Variants in GALNT13 observed in about 807,000 individuals in gnomAD.
GALNT13 encodes the protein polypeptide N-acetylgalactosaminyltransferase 13.
GALNT13 carries 28 observed loss-of-function variants against 64.2 expected under a neutral mutation model. That is an observed-to-expected ratio of 0.44 (90% CI 0.32 to 0.60). The LOEUF (loss-of-function observed/expected upper bound fraction) is 0.60. Ranked by LOEUF, GALNT13 falls within the 20% of genes least tolerant of loss-of-function variation. The probability of loss-of-function intolerance (pLI) is 0.05; values close to 1 mark genes in which losing one functional copy is unlikely to be tolerated. For missense variants in GALNT13, 577 were observed against 669.8 expected, an observed-to-expected ratio of 0.86 and a Z score of 1.53; for synonymous variants, 214 against 224.6, an observed-to-expected ratio of 0.95 and a Z score of 0.42.
At chr2:153,376,612 C>T in the GALNT13 span, among the ~76,000 whole-genome samples, 2 of 151,708 alleles carry the variant, frequency 1.3e-5, no homozygotes, top group African/African-American at 4.8e-5. Flanking sequence ...GACTGACTGC[C>T]AGAAAAAAGA....
At chr2:153,932,003 T>G (rs1017739976) in intron 2 of GALNT13, among the ~76,000 whole-genome samples, 1 of 152,120 alleles carries the variant, frequency 6.6e-6, no homozygotes, top group African/African-American at 2.4e-5. Context: ...TTTATTTGGT[T>G]GGTGGGTTTT....
the GALNT13 span, among the ~76,000 whole-genome samples, chr2:153,241,466 T>C: frequency 6.6e-6 from 1 of 152,192 alleles, no homozygotes; most frequent in Non-Finnish European, 1.5e-5. Context: ...ACCTTTTGCC[T>C]ATGTTTCCAT....
chr2:153,700,575 T>G, the GALNT13 span, among the ~76,000 whole-genome samples: 1 of 152,240 alleles, frequency 6.6e-6, no homozygotes, highest in East Asian at 1.9e-4. Flanking sequence ...GATGACATGA[T>G]TCTATGTTTA....
At chr2:153,806,404 A>G in the GALNT13 span, among the ~76,000 whole-genome samples, 11 of 152,234 alleles carry the variant, frequency 7.2e-5, no homozygotes, top group African/African-American at 2.4e-4. Context: ...ATCTTATACT[A>G]CTGGGTGAAT....
chr2:153,252,871 A>G, the GALNT13 span, among the ~76,000 whole-genome samples: 1 of 152,184 alleles, frequency 6.6e-6, no homozygotes, highest in Non-Finnish European at 1.5e-5. Flanking sequence ...TGGTTACTGT[A>G]GCCTTGTAGT....
At position 154,236,266 on chromosome 2, in the gene GALNT13, A is replaced by G; in HGVS notation, c.312-5764A>G. ...ATTTTAAAATGTTGGCATAAGCCTAAAGGTTTTACATGTTTCAAAGAGTCT... is the reference window on the plus strand; with the variant it reads ...ATTTTAAAATGTTGGCATAAGCCTAGAGGTTTTACATGTTTCAAAGAGTCT... On this transcript the variant is annotated intron_variant, in intron 4 of 12. Transcript: ENST00000392825. 4 of 614,766 alleles carry G rather than the reference A, an allele frequency of 6.5e-6. No homozygotes were observed. The South Asian group carries it at 2.3e-4, about 36-fold the overall frequency. 38.1% of individuals were successfully genotyped at this position (614,766 alleles called of 1,614,324 possible).
chr2:154,076,830 CT>C (rs1471633998), intron 3 of GALNT13, among the ~76,000 whole-genome samples: 2 of 151,568 alleles, frequency 1.3e-5, no homozygotes, highest in African/African-American at 4.8e-5. Flanking sequence ...CAAGGAAACA[CT>C]TATTATAGAG....
At chr2:153,517,747 C>T in the GALNT13 span, among the ~76,000 whole-genome samples, 3 of 152,132 alleles carry the variant, frequency 2.0e-5, no homozygotes, top group Admixed American at 6.5e-5. Context: ...ATCATAGTAA[C>T]ACATATTGTA....
intron 4 of GALNT13, among the ~76,000 whole-genome samples, chr2:154,145,121 C>T (rs1243363634): frequency 9.1e-5 from 10 of 109,298 alleles, no homozygotes; most frequent in African/African-American, 1.2e-4. Flanking sequence ...TATATATATA[C>T]ACACACTAAA....
intron 9 of GALNT13, among the ~76,000 whole-genome samples, chr2:154,347,400 G>T (rs989125182): frequency 6.6e-6 from 1 of 151,986 alleles, no homozygotes; most frequent in Non-Finnish European, 1.5e-5. Context: ...ATAAGTTGAG[G>T]ATCTAATTTT....
the GALNT13 span, among the ~76,000 whole-genome samples, chr2:153,080,495 A>T: frequency 6.6e-6 from 1 of 152,276 alleles, no homozygotes; most frequent in East Asian, 1.9e-4. Flanking sequence ...TTTTGGTCAC[A>T]GAGTGCTGTA....
At chr2:154,111,641 G>A (rs1047925315) in intron 3 of GALNT13, among the ~76,000 whole-genome samples, 24 of 152,154 alleles carry the variant, frequency 1.6e-4, no homozygotes, top group African/African-American at 5.1e-4. Flanking sequence ...TAGATCACTA[G>A]AGGTGATGGT....
chr2:153,357,577 T>G, the GALNT13 span, among the ~76,000 whole-genome samples: 5 of 152,190 alleles, frequency 3.3e-5, no homozygotes, highest in Non-Finnish European at 7.3e-5. Flanking sequence ...TTCTGGTGTT[T>G]GTTTTTCTTG....
intron 12 of GALNT13, chr2:154,445,724 G>A: frequency 2.3e-6 from 2 of 874,626 alleles, no homozygotes; most frequent in Non-Finnish European, 3.2e-6. Context: ...TGTTCATTAA[G>A]CTGCCTGAGA....
At chr2:153,953,378 C>A (rs1456069822) in intron 3 of GALNT13, among the ~76,000 whole-genome samples, 1 of 152,024 alleles carries the variant, frequency 6.6e-6, no homozygotes, top group African/African-American at 2.4e-5. Flanking sequence ...TTTACAAGTG[C>A]TACAACTAAC....
chr2:153,851,232 A>G, the GALNT13 span, among the ~76,000 whole-genome samples: 1 of 152,312 alleles, frequency 6.6e-6, no homozygotes, highest in African/African-American at 2.4e-5. Context: ...AATTCAAGCC[A>G]TAAGAGAGTG....
rs115799617 is a variant in GALNT13, at chr2:154,122,015, A to G, written c.143-18322A>G. On this transcript the variant is annotated intron_variant, in intron 3 of 12. Transcript: ENST00000392825. ...TTTTTATTCAAGTCGAGGAATTTCT[A>G]CAATAGTAATTCTTGATTTCTATTG... 2.4e-3 allele frequency among the ~76,000 whole-genome samples: 370 copies of G among 152,146 alleles called. 4 individuals carry two copies. Among genetic ancestry groups the G allele is most frequent in the African/African-American group, 8.1e-3 (336 of 41,522 alleles).
the GALNT13 span, among the ~76,000 whole-genome samples, chr2:153,455,706 AAGTGTTAACAGTTC>A: frequency 1.3e-5 from 2 of 152,194 alleles, no homozygotes; most frequent in East Asian, 3.9e-4. Flanking sequence ...CGGACAGCTT[AAGTGTTAACAGTTC>A]AGTGAACCCT....
At chr2:153,840,785 T>C in the GALNT13 span, among the ~76,000 whole-genome samples, 2 of 152,270 alleles carry the variant, frequency 1.3e-5, no homozygotes, top group East Asian at 3.9e-4. Flanking sequence ...ATACCCTAAC[T>C]TGCCTCTTAT....
Sources: gnomAD v4.1 joint callset for allele counts (sites outside exome capture counted in the v4.1 genomes callset) on GRCh38, gnomAD v4.1.1 for gene constraint, MANE v1.5 for transcripts, NCBI Gene and HGNC (gene_info 2026-07-23, HGNC 2026-07-21) for gene names.